Variants in HNRNPL observed in about 807,000 individuals in gnomAD.
HNRNPL encodes epididymis secretory sperm binding protein.
A neutral mutation model predicts 64.0 loss-of-function variants in HNRNPL; 12 were observed. The ratio of observed to expected loss-of-function variants is 0.19; its 90% CI spans 0.12 to 0.30. The LOEUF (loss-of-function observed/expected upper bound fraction) is 0.30, where lower values mean the gene tolerates loss of function less well. Ranked by LOEUF, HNRNPL falls within the 10% of genes least tolerant of loss-of-function variation. The pLI, the probability that HNRNPL is intolerant of heterozygous loss-of-function variation, is 1.00. For missense variants in HNRNPL, 484 were observed against 797.4 expected (o/e 0.61, Z 4.73); for synonymous variants, 385 against 313.0 (o/e 1.23, Z -2.43).
At chr19:38,843,777 T>G in intron 6 of HNRNPL, 65 bp downstream of exon 6, 10 of 1,326,522 alleles carry the variant, frequency 7.5e-6, no homozygotes, top group South Asian at 1.2e-5. Flanking sequence ...CCCAGGCCTA[T>G]TAAGTGCACT....
chr19:38,846,218 C>A (rs144806789), intron 2 of HNRNPL, 128 bp from the exon 3 acceptor site: 2 of 746,552 alleles, frequency 2.7e-6, no homozygotes, highest in East Asian at 2.5e-5. Flanking sequence ...CATGGTTCCC[C>A]GACCTGAACA....
At chr19:38,846,971 A>G (rs1355324879) in intron 2 of HNRNPL, among the ~76,000 whole-genome samples, 1 of 151,986 alleles carries the variant, frequency 6.6e-6, no homozygotes, top group Admixed American at 6.6e-5. Context: ...GCGCATGCCT[A>G]TAGTCCCAGC....
At chr19:38,842,608 T>C (rs1972153167) in intron 6 of HNRNPL, among the ~76,000 whole-genome samples, 1 of 152,088 alleles carries the variant, frequency 6.6e-6, no homozygotes, top group African/African-American at 2.4e-5. Context: ...CATGTTCTGT[T>C]CTCTCCAGGA....
intron 6 of HNRNPL, chr19:38,840,835 C>A: frequency 2.1e-6 from 1 of 469,564 alleles, no homozygotes; most frequent in South Asian, 3.0e-5. Flanking sequence ...CTACCCTGGC[C>A]CTGGGAGAAA....
In HNRNPL at chr19:38,845,751, C is replaced by A; in HGVS notation, c.625-16G>T. 6.2e-7 allele frequency: 1 copy of A among 1,611,726 alleles called. No homozygotes were observed. The highest frequency in any genetic ancestry group is 8.5e-7 in the Non-Finnish European group (1 of 1,177,782). Reference sequence around the variant, plus strand: ...AAAGAACATCCTGCAAAAGCAAACACAGGCAAGATGAAGGGGCACTGGCAG... The same window carrying A: ...AAAGAACATCCTGCAAAAGCAAACAAAGGCAAGATGAAGGGGCACTGGCAG... On this transcript the variant is annotated splice_polypyrimidine_tract_variant and intron_variant, in intron 3 of 12. Transcript: ENST00000221419.
intron 4 of HNRNPL, among the ~76,000 whole-genome samples, chr19:38,844,353 C>A (rs548435628): frequency 2.6e-5 from 4 of 152,304 alleles, no homozygotes; most frequent in African/African-American, 9.6e-5. Flanking sequence ...CCCATGGCCA[C>A]CAGCAACCTC....
intron 12 of HNRNPL, chr19:38,837,048 G>A: frequency 1.9e-6 from 1 of 538,902 alleles, no homozygotes; most frequent in Admixed American, 3.5e-5. Context: ...GGGTGGGCAA[G>A]TTTTACCTGC....
chr19:38,843,706 G>C (rs896332095), intron 6 of HNRNPL, 136 bp downstream of exon 6: 3 of 701,040 alleles, frequency 4.3e-6, no homozygotes, highest in African/African-American at 3.6e-5. Flanking sequence ...GGGTGTCCAA[G>C]TGCTGACCCC....
chr19:38,847,165 A>G, intron 2 of HNRNPL, 151 bp downstream of exon 2: 1 of 495,110 alleles, frequency 2.0e-6, no homozygotes, highest in South Asian at 4.6e-5. Flanking sequence ...AATCTGACAC[A>G]AAGTACAATG....
At chr19:38,846,460 G>C (rs1202007331) in intron 2 of HNRNPL, among the ~76,000 whole-genome samples, 1 of 152,196 alleles carries the variant, frequency 6.6e-6, no homozygotes, top group Non-Finnish European at 1.5e-5. Context: ...CAAATATTCA[G>C]TAACTACTTG....
At chr19:38,846,471 C>T (rs907464877) in intron 2 of HNRNPL, among the ~76,000 whole-genome samples, 1 of 152,188 alleles carries the variant, frequency 6.6e-6, no homozygotes, top group African/African-American at 2.4e-5. Flanking sequence ...TAACTACTTG[C>T]TGAATGAAAG....
exon 1 of HNRNPL, chr19:38,849,978 ACCCGCCTCCC>A (rs763343619): frequency 2.3e-6 from 3 of 1,312,390 alleles, no homozygotes; most frequent in Admixed American, 4.0e-5. Flanking sequence ...GCGGCGCAGA[ACCCGCCTCCC>A]CCCGCCTCTC....
intron 8 of HNRNPL, 157 bp from the exon 9 acceptor site, chr19:38,839,172 C>T (rs2145410401): frequency 1.2e-6 from 1 of 847,680 alleles, no homozygotes; most frequent in Non-Finnish European, 1.8e-6. Flanking sequence ...ACACCAAGTG[C>T]TCAACCCATA....
At chr19:38,845,004 G>C (rs374962674) in intron 4 of HNRNPL, 1 of 152,232 alleles carries the variant, frequency 6.6e-6, no homozygotes, top group Non-Finnish European at 1.5e-5. Context: ...CACTGTGCCC[G>C]GCCCCATATC....
rs1394964795 is a variant in HNRNPL, at chr19:38,849,848, C to T, written c.119G>A (p.Gly40Asp). The T allele has an allele frequency of 2.5e-6, 3 of 1,197,974 alleles. No homozygotes were observed. In the African/African-American group the frequency reaches 4.7e-5, roughly 19 times the overall value. 74.2% of individuals were successfully genotyped at this position (1,197,974 alleles called of 1,614,324 possible). A position where few individuals can be genotyped will look rare whatever the true frequency, so the allele number is the denominator to read the frequency against. ...GTAGTAGCGGCCACCGCCGCCTCCG[C>T]CGCCCGCCGCCGCCATCTTCACCAT... ...GAMVKMAAAGGGGGGGRYYGG... is the reference protein window; with the variant it reads ...GAMVKMAAAGDGGGGGRYYGG... Residue 40 changes from glycine to aspartate, a missense_variant, in exon 1 of 13, where the codon GGC (glycine) becomes GAC (aspartate). Physicochemically the swap from Gly to Asp is moderately conservative, Grantham distance 94 (BLOSUM62 -1). Coordinates refer to ENST00000221419, the MANE Select transcript of HNRNPL (RefSeq NM_001533.3).
chr19:38,837,874 C>A (rs1041477012), intron 10 of HNRNPL, among the ~76,000 whole-genome samples: 1 of 152,198 alleles, frequency 6.6e-6, no homozygotes, highest in Non-Finnish European at 1.5e-5. Flanking sequence ...TTTTCGTTCC[C>A]AACTTCAACA....
intron 6 of HNRNPL, among the ~76,000 whole-genome samples, chr19:38,842,701 G>A (rs915920905): frequency 1.3e-4 from 20 of 152,056 alleles, no homozygotes; most frequent in East Asian, 3.9e-4. Flanking sequence ...GAGGGGTGGC[G>A]AAGCACCGCC....
chr19:38,838,346 C>CA, intron 10 of HNRNPL, 51 bp downstream of exon 10: 2 of 1,481,862 alleles, frequency 1.3e-6, no homozygotes, highest in Non-Finnish European at 1.9e-6. Flanking sequence ...ATGGCCTACT[C>CA]AGACGGCCGT....
intron 4 of HNRNPL, among the ~76,000 whole-genome samples, chr19:38,844,408 G>C (rs1450701375): frequency 1.3e-5 from 2 of 152,046 alleles, no homozygotes; most frequent in African/African-American, 4.8e-5. Context: ...CACACCCTTC[G>C]ACTAAATCTG....
Sources: allele counts gnomAD v4.1 joint callset (sites outside exome capture counted in the v4.1 genomes callset), GRCh38; gene constraint gnomAD v4.1.1; transcripts MANE v1.5; gene names NCBI Gene and HGNC (gene_info 2026-07-23, HGNC 2026-07-21).